IFT46: variants seen among roughly 807,000 people sequenced by gnomAD.
IFT46 encodes the protein intraflagellar transport 46.
A neutral mutation model predicts 39.6 loss-of-function variants in IFT46; 19 were observed. That is an observed-to-expected ratio of 0.48 (90% CI 0.33 to 0.70). The LOEUF (loss-of-function observed/expected upper bound fraction) is 0.70, where lower values mean the gene tolerates loss of function less well. Among genes scored for constraint, IFT46 ranks in the 30% least tolerant of loss-of-function variants. The pLI is 0.01. For synonymous variants in IFT46, 117 were observed against 134.8 expected (o/e 0.87, Z 0.91); for missense variants, 334 against 364.8 (o/e 0.92, Z 0.69).
At position 118,551,854 on chromosome 11, in the gene IFT46, TA is replaced by T; in HGVS notation, c.606-3del. On this transcript the variant is annotated splice_polypyrimidine_tract_variant and splice_region_variant and intron_variant, in intron 8 of 11. Transcript: ENST00000264021. ...AGCGTGTCAATGTCGGGCATGGGCC[TA>T]AAAGTATAAAGGTAAATATGAACAA... The T allele has an allele frequency of 6.2e-7, 1 of 1,613,476 alleles. No homozygotes were observed. The highest frequency in any genetic ancestry group is 8.5e-7 in the Non-Finnish European group (1 of 1,179,560).
At chr11:118,567,447 G>T (rs181194377), upstream of IFT46, among the ~76,000 whole-genome samples, 1 of 151,826 alleles carries the variant, frequency 6.6e-6, no homozygotes, top group Non-Finnish European at 1.5e-5. Flanking sequence ...ATGGTGGCGC[G>T]CGCCTGTAAT....
intron 3 of IFT46, chr11:118,557,473 G>C: frequency 4.2e-6 from 2 of 474,000 alleles, no homozygotes; most frequent in Non-Finnish European, 3.7e-6. Context: ...AGACCATAGA[G>C]AGGAAATCTA....
At chr11:118,573,737 A>T, upstream of IFT46, 1 of 688,508 alleles carries the variant, frequency 1.5e-6, no homozygotes, top group South Asian at 1.5e-5. Flanking sequence ...AATGGGGGGA[A>T]TTCATGCTTG....
intron 2 of IFT46, among the ~76,000 whole-genome samples, chr11:118,563,163 C>A (rs921017342): frequency 1.3e-5 from 2 of 151,314 alleles, no homozygotes; most frequent in African/African-American, 4.9e-5. Flanking sequence ...AAGAACATCA[C>A]AATAAGTGAA....
At chr11:118,568,375 AC>A (rs782596676), upstream of IFT46, among the ~76,000 whole-genome samples, 19 of 151,592 alleles carry the variant, frequency 1.3e-4, no homozygotes, top group East Asian at 2.1e-3. Flanking sequence ...ACATGGTGAA[AC>A]CCCCATCTCT....
In IFT46 at chr11:118,560,354, G is replaced by A. The variant is rs141117057; in HGVS notation, c.-35-490C>T. On this transcript the variant is annotated intron_variant, in intron 2 of 11. Transcript: ENST00000264021. ...GGTCTGCTTAAACCCAGGAGTTCGAGGCTGCAGTGAGCAGTGTCCAGTGTT... is the reference window on the plus strand; with the variant it reads ...GGTCTGCTTAAACCCAGGAGTTCGAAGCTGCAGTGAGCAGTGTCCAGTGTT... The A allele has an allele frequency of 4.0e-3, 694 of 174,382 alleles. 1 individual carries two copies. The highest frequency in any genetic ancestry group is 0.014 in the Middle Eastern group (5 of 362). 10.8% of individuals were successfully genotyped at this position (174,382 alleles called of 1,614,324 possible). A position where few individuals can be genotyped will look rare whatever the true frequency, so the allele number is the denominator to read the frequency against.
chr11:118,548,459 G>T (rs1951748045), intron 9 of IFT46, among the ~76,000 whole-genome samples: 1 of 150,062 alleles, frequency 6.7e-6, no homozygotes, highest in Non-Finnish European at 1.5e-5. Flanking sequence ...CCGCCTCCCG[G>T]GTTCAAGCGA....
At chr11:118,554,916 G>A (rs1555069163) in intron 6 of IFT46, 74 bp downstream of exon 6, 1 of 1,121,754 alleles carries the variant, frequency 8.9e-7, no homozygotes, top group Non-Finnish European at 1.3e-6. Flanking sequence ...AAAGAAATTA[G>A]GGAAACTGTT....
At chr11:118,573,453 C>T (rs1938405103), upstream of IFT46, among the ~76,000 whole-genome samples, 2 of 152,186 alleles carry the variant, frequency 1.3e-5, no homozygotes, top group African/African-American at 4.8e-5. Flanking sequence ...ATCAGAACTG[C>T]TGACATCACT....
intron 3 of IFT46, chr11:118,557,351 G>T (rs1443951660): frequency 1.0e-5 from 4 of 395,770 alleles, no homozygotes; most frequent in Non-Finnish European, 1.3e-5. Context: ...GACAGCTTCG[G>T]CCCGAAAAGC....
chr11:118,575,049 G>T (rs1938456983), upstream of IFT46, among the ~76,000 whole-genome samples: 1 of 152,174 alleles, frequency 6.6e-6, no homozygotes, highest in Non-Finnish European at 1.5e-5. Flanking sequence ...CACAATCTCA[G>T]CTCACTGCAA....
chr11:118,559,015 C>G (rs1335482897), intron 3 of IFT46, among the ~76,000 whole-genome samples: 4 of 150,456 alleles, frequency 2.7e-5, no homozygotes, highest in Non-Finnish European at 5.9e-5. Context: ...TACAGGCACC[C>G]GCCACCACGC....
intron 1 of IFT46, chr11:118,572,448 G>A (rs541528540): frequency 6.9e-6 from 9 of 1,313,490 alleles, no homozygotes; most frequent in African/African-American, 4.5e-5. Flanking sequence ...TCCTGTCAAG[G>A]GGGCAGCAGG....
upstream of IFT46, among the ~76,000 whole-genome samples, chr11:118,574,506 A>C (rs1364960863): frequency 1.3e-5 from 2 of 152,176 alleles, no homozygotes; most frequent in African/African-American, 2.4e-5. Flanking sequence ...ATTTCACTAT[A>C]TTTTATCATG....
chr11:118,559,343 T>C (rs1937951082), intron 3 of IFT46, among the ~76,000 whole-genome samples: 1 of 152,132 alleles, frequency 6.6e-6, no homozygotes, highest in African/African-American at 2.4e-5. Context: ...CTTCACAAAA[T>C]ACTGGCAGTA....
chr11:118,548,790 CT>C (rs1190969434), intron 9 of IFT46, among the ~76,000 whole-genome samples: 5 of 145,620 alleles, frequency 3.4e-5, no homozygotes, highest in African/African-American at 1.0e-4. Context: ...TGCACCTGGC[CT>C]TTTTTTTTTC....
chr11:118,555,972 A>G (rs1937817253), intron 4 of IFT46, among the ~76,000 whole-genome samples: 1 of 150,446 alleles, frequency 6.6e-6, no homozygotes, highest in Non-Finnish European at 1.5e-5. Flanking sequence ...TTTGCACCAG[A>G]AAAAAAAAAT....
Position 118,556,310 on chromosome 11 carries a change from T to C in IFT46, c.185+596A>G, listed in dbSNP as rs374558705. Among the ~76,000 whole-genome samples the C allele has an allele frequency of 8.8e-3, 1,338 of 152,126 alleles. 23 individuals carry two copies. The highest frequency in any genetic ancestry group is 0.029 in the African/African-American group (1,222 of 41,500). On this transcript the variant is annotated intron_variant, in intron 4 of 11. Coordinates refer to ENST00000264021, the MANE Select transcript of IFT46 (RefSeq NM_001168618.2). ...ATCGAGACCATCCTGGCTAACACGG[T>C]GAAACCTCGTCTCTATTAAAAATAC...
rs781945654 is a variant in IFT46 at position 118,555,094 on chromosome 11, T to C, written c.261-11A>G. 4.4e-6 allele frequency: 7 copies of C among 1,603,048 alleles called. No individual in the cohort carries two copies. Among genetic ancestry groups the C allele is most frequent in the Admixed American group, 1.7e-5 (1 of 59,950 alleles). On this transcript the variant is annotated splice_polypyrimidine_tract_variant and intron_variant, in intron 5 of 11. Transcript: ENST00000264021. ...AACTGAGGTGTGTACCTAGGAGATA[T>C]TGCCAAGGGAAGGTGGAGACAGTCA...
Sources: gnomAD v4.1 joint callset for allele counts (sites outside exome capture counted in the v4.1 genomes callset) on GRCh38, gnomAD v4.1.1 for gene constraint, MANE v1.5 for transcripts, NCBI Gene and HGNC (gene_info 2026-07-23, HGNC 2026-07-21) for gene names.